PDE1C: variants seen among roughly 807,000 people sequenced by gnomAD.
PDE1C encodes phosphodiesterase 1C.
Under a neutral mutation model 93.1 loss-of-function variants are expected in PDE1C, and 62 were observed. The ratio of observed to expected loss-of-function variants is 0.67; its 90% CI spans 0.54 to 0.82. The LOEUF is 0.82. Ranked by LOEUF, PDE1C falls within the 40% of genes least tolerant of loss-of-function variation. The pLI, the probability that PDE1C is intolerant of heterozygous loss-of-function variation, is 0.00. For synonymous variants in PDE1C, 325 were observed against 310.1 expected, an observed-to-expected ratio of 1.05 and a Z score of -0.50; for missense variants, 742 against 884.6, an observed-to-expected ratio of 0.84 and a Z score of 2.04.
intron 2 of PDE1C, among the ~76,000 whole-genome samples, chr7:32,170,565 G>A (rs1177074218): frequency 6.6e-6 from 1 of 152,204 alleles, no homozygotes; most frequent in Non-Finnish European, 1.5e-5. Flanking sequence ...GTGAGAAGTT[G>A]TGTTGATAGT....
At chr7:32,049,364 C>G (rs967182350) in intron 2 of PDE1C, among the ~76,000 whole-genome samples, 26 of 152,168 alleles carry the variant, frequency 1.7e-4, no homozygotes, top group Non-Finnish European at 3.5e-4. Context: ...CCCTTGGACC[C>G]AAGTTTGCTC....
At chr7:32,207,372 AC>A (rs1191328752) in intron 2 of PDE1C, among the ~76,000 whole-genome samples, 2 of 150,056 alleles carry the variant, frequency 1.3e-5, no homozygotes, top group Non-Finnish European at 1.5e-5. Flanking sequence ...AAAAAAAAAA[AC>A]TTATCATCCG....
intron 1 of PDE1C, among the ~76,000 whole-genome samples, chr7:32,256,127 T>C (rs1809777696): frequency 6.6e-6 from 1 of 152,194 alleles, no homozygotes; most frequent in South Asian, 2.1e-4. Context: ...TTGCCTGAAC[T>C]AGTTCCAGTG....
intron 1 of PDE1C, among the ~76,000 whole-genome samples, chr7:32,398,974 T>C (rs188765411): frequency 1.3e-5 from 2 of 152,284 alleles, no homozygotes; most frequent in Admixed American, 6.5e-5. Context: ...TTCTTCACTA[T>C]TACAAATAGT....
chr7:32,109,532 T>A (rs767828546), intron 3 of PDE1C, among the ~76,000 whole-genome samples: 22 of 152,312 alleles, frequency 1.4e-4, no homozygotes, highest in Middle Eastern at 6.8e-3. Flanking sequence ...TTTAGCCACA[T>A]CCTGGCCTCT....
chr7:31,728,079 T>C, the PDE1C span, among the ~76,000 whole-genome samples: 3 of 152,160 alleles, frequency 2.0e-5, no homozygotes, highest in African/African-American at 7.2e-5. Flanking sequence ...TGATATCCAC[T>C]TAAGGTTGAT....
chr7:32,112,457 T>G (rs1211597859), intron 3 of PDE1C, among the ~76,000 whole-genome samples: 1 of 152,132 alleles, frequency 6.6e-6, no homozygotes, highest in Non-Finnish European at 1.5e-5. Context: ...ATTTTAGTTT[T>G]CTTTTTTTAG....
At chr7:32,316,718 G>A (rs1440732954) in intron 1 of PDE1C, among the ~76,000 whole-genome samples, 3 of 152,208 alleles carry the variant, frequency 2.0e-5, no homozygotes. Context: ...GAATCAGACA[G>A]TCTGTATTAT....
chr7:31,782,076 G>C (rs991891115), intron 16 of PDE1C, among the ~76,000 whole-genome samples: 2 of 152,112 alleles, frequency 1.3e-5, no homozygotes, highest in African/African-American at 4.8e-5. Flanking sequence ...CTCCATTGCT[G>C]CTATTTACAA....
the PDE1C span, among the ~76,000 whole-genome samples, chr7:31,722,654 C>T: frequency 6.6e-6 from 1 of 152,054 alleles, no homozygotes; most frequent in Non-Finnish European, 1.5e-5. Context: ...CGGGAGCTGA[C>T]CAGGTGAAGA....
intron 3 of PDE1C, among the ~76,000 whole-genome samples, chr7:32,138,705 T>A (rs1800344811): frequency 6.6e-6 from 1 of 152,300 alleles, no homozygotes; most frequent in East Asian, 1.9e-4. Context: ...AAATGTAGTT[T>A]TGTTTGTAGT....
At chr7:32,272,316 C>T (rs775106127) in intron 1 of PDE1C, among the ~76,000 whole-genome samples, 1 of 152,198 alleles carries the variant, frequency 6.6e-6, no homozygotes, top group Admixed American at 6.5e-5. Context: ...AATCCTCAAA[C>T]GTCTAGGACA....
the PDE1C span, among the ~76,000 whole-genome samples, chr7:31,626,229 C>A: frequency 6.6e-6 from 1 of 152,264 alleles, no homozygotes; most frequent in African/African-American, 2.4e-5. Context: ...ATCATAACAT[C>A]ACATAAAGTA....
intron 16 of PDE1C, among the ~76,000 whole-genome samples, chr7:31,803,270 A>G (rs1786302044): frequency 1.3e-5 from 2 of 151,888 alleles, no homozygotes; most frequent in South Asian, 4.1e-4. Context: ...AGTCTTTTAA[A>G]AAGATCTTCC....
At chr7:31,735,456 A>G in the PDE1C span, among the ~76,000 whole-genome samples, 1 of 150,522 alleles carries the variant, frequency 6.6e-6, no homozygotes, top group African/African-American at 2.4e-5. Context: ...TGAGGGCAGT[A>G]TAAGCAAACG....
intron 2 of PDE1C, among the ~76,000 whole-genome samples, chr7:31,916,186 C>T (rs73308633): frequency 6.6e-6 from 1 of 152,150 alleles, no homozygotes; most frequent in African/African-American, 2.4e-5. Flanking sequence ...TGTACTGAAC[C>T]TTGTTATATT....
intron 16 of PDE1C, among the ~76,000 whole-genome samples, chr7:31,801,686 T>G (rs1176909890): frequency 6.6e-6 from 1 of 151,526 alleles, no homozygotes; most frequent in South Asian, 2.1e-4. Context: ...AATGATTATA[T>G]TCTCTTGATA....
At chr7:31,893,397 T>G in intron 2 of PDE1C, 1 of 734,328 alleles carries the variant, frequency 1.4e-6, no homozygotes. Context: ...TTCTAATAAC[T>G]GAACGTGTCA....
chr7:31,931,911 C>G (rs879052094), intron 2 of PDE1C, among the ~76,000 whole-genome samples: 1 of 152,050 alleles, frequency 6.6e-6, no homozygotes, highest in South Asian at 2.1e-4. Flanking sequence ...CAAATAACAC[C>G]ACACACCTAC....
Sources: gnomAD v4.1 joint callset for allele counts (sites outside exome capture counted in the v4.1 genomes callset) on GRCh38, gnomAD v4.1.1 for gene constraint, MANE v1.5 for transcripts, NCBI Gene and HGNC (gene_info 2026-07-23, HGNC 2026-07-21) for gene names.